Variants in IKZF1 observed in about 807,000 individuals in gnomAD.
IKZF1 encodes the protein DNA-binding protein Ikaros.
IKZF1 carries 10 observed loss-of-function variants against 51.7 expected under a neutral mutation model. That is an observed-to-expected ratio of 0.19 (90% CI 0.12 to 0.33). The LOEUF is 0.33. Among genes scored for constraint, IKZF1 ranks in the 10% least tolerant of loss-of-function variants. The pLI is 1.00. For synonymous variants in IKZF1, 280 were observed against 282.3 expected, an observed-to-expected ratio of 0.99 and a Z score of 0.08; for missense variants, 484 against 707.5, an observed-to-expected ratio of 0.68 and a Z score of 3.58.
intron 6 of IKZF1, among the ~76,000 whole-genome samples, chr7:50,389,582 G>A (rs1814446551): frequency 6.6e-6 from 1 of 152,190 alleles, no homozygotes; most frequent in South Asian, 2.1e-4. Context: ...TAATTACATT[G>A]AATTATTTCT....
At chr7:50,374,829 G>A (rs187354498) in intron 3 of IKZF1, among the ~76,000 whole-genome samples, 1 of 152,270 alleles carries the variant, frequency 6.6e-6, no homozygotes, top group African/African-American at 2.4e-5. Flanking sequence ...TCCAGACCAG[G>A]TATTTTTATT....
chr7:50,392,496 G>A (rs1381965778), intron 7 of IKZF1, among the ~76,000 whole-genome samples: 1 of 152,180 alleles, frequency 6.6e-6, no homozygotes, highest in Non-Finnish European at 1.5e-5. Flanking sequence ...TGCAGGGACA[G>A]TGAGCCAGGG....
At chr7:50,397,519 T>A (rs570900153) in intron 7 of IKZF1, among the ~76,000 whole-genome samples, 3 of 152,320 alleles carry the variant, frequency 2.0e-5, no homozygotes, top group East Asian at 3.9e-4. Flanking sequence ...ACAGGATGAT[T>A]AGGTGGGAAA....
chr7:50,308,068 C>CT (rs1789243509), intron 1 of IKZF1, among the ~76,000 whole-genome samples: 1 of 152,148 alleles, frequency 6.6e-6, no homozygotes, highest in African/African-American at 2.4e-5. Flanking sequence ...AGTGTCGTCA[C>CT]TTTAGTAGCT....
chr7:50,383,581 G>A (rs1017817115), intron 5 of IKZF1, among the ~76,000 whole-genome samples: 6 of 152,180 alleles, frequency 3.9e-5, no homozygotes, highest in East Asian at 1.9e-4. Context: ...CCTTCATACC[G>A]TCCAGTTGGG....
intron 3 of IKZF1, among the ~76,000 whole-genome samples, chr7:50,362,817 A>G (rs1031582156): frequency 6.6e-6 from 1 of 152,124 alleles, no homozygotes; most frequent in Non-Finnish European, 1.5e-5. Context: ...TCTTAGGGCA[A>G]TGAGCAGGTT....
chr7:50,379,956 T>G (rs1327096533), intron 4 of IKZF1, among the ~76,000 whole-genome samples: 1 of 152,244 alleles, frequency 6.6e-6, no homozygotes, highest in Non-Finnish European at 1.5e-5. Flanking sequence ...TTCAAATTCA[T>G]GACATCAATG....
intron 3 of IKZF1, among the ~76,000 whole-genome samples, chr7:50,330,587 C>T (rs565136012): frequency 6.6e-6 from 1 of 152,332 alleles, no homozygotes; most frequent in East Asian, 1.9e-4. Context: ...AGAGACCACC[C>T]TCCATGGTTC....
intron 3 of IKZF1, among the ~76,000 whole-genome samples, chr7:50,349,141 T>G (rs1008413884): frequency 3.3e-5 from 5 of 152,244 alleles, no homozygotes; most frequent in African/African-American, 1.2e-4. Flanking sequence ...TCATTACCAC[T>G]GTCTAGTGTA....
chr7:50,349,437 T>G (rs572481582), intron 3 of IKZF1, among the ~76,000 whole-genome samples: 1 of 152,286 alleles, frequency 6.6e-6, no homozygotes, highest in East Asian at 1.9e-4. Flanking sequence ...AGGACGTGTA[T>G]TATGTACCTA....
chr7:50,359,052 G>A (rs747913113), intron 3 of IKZF1, among the ~76,000 whole-genome samples: 3 of 152,104 alleles, frequency 2.0e-5, no homozygotes, highest in Non-Finnish European at 2.9e-5. Flanking sequence ...GTGTGCTCAG[G>A]AGTTTCAGAC....
chr7:50,363,906 C>G (rs1390821881), intron 3 of IKZF1, among the ~76,000 whole-genome samples: 1 of 152,156 alleles, frequency 6.6e-6, no homozygotes, highest in Non-Finnish European at 1.5e-5. Context: ...GGAAGCCCTG[C>G]CATGAAATGC....
chr7:50,388,217 T>C (rs1213806482), intron 6 of IKZF1, among the ~76,000 whole-genome samples: 5 of 152,204 alleles, frequency 3.3e-5, no homozygotes, highest in Admixed American at 2.6e-4. Flanking sequence ...TATAAAGAGA[T>C]CAAATAAAAC....
At chr7:50,399,106 T>A (rs1817442830) in intron 7 of IKZF1, among the ~76,000 whole-genome samples, 1 of 152,182 alleles carries the variant, frequency 6.6e-6, no homozygotes. Context: ...TCAACAGTAG[T>A]TCCTTGTACA....
chr7:50,324,824 C>T (rs115627079), intron 2 of IKZF1, among the ~76,000 whole-genome samples: 9 of 152,116 alleles, frequency 5.9e-5, no homozygotes, highest in South Asian at 2.1e-4. Context: ...GCGGAAAGTA[C>T]GACATTTCTT....
At chr7:50,336,175 AG>A (rs1198546985) in intron 3 of IKZF1, among the ~76,000 whole-genome samples, 1 of 152,084 alleles carries the variant, frequency 6.6e-6, no homozygotes, top group African/African-American at 2.4e-5. Context: ...GGGTCCCCGG[AG>A]AAGACTCAGT....
In IKZF1 at chr7:50,400,756, G is replaced by T. The variant is rs568893927; in HGVS notation, c.*129G>T. 3.6e-5 allele frequency: 42 copies of T among 1,176,230 alleles called. No individual in the cohort carries two copies. Among genetic ancestry groups the T allele is most frequent in the Non-Finnish European group, 4.9e-5 (42 of 853,752 alleles). The allele number at this position is 1,176,230 out of a possible 1,614,324, so 72.9% of individuals were successfully genotyped here. On this transcript the variant is annotated 3_prime_UTR_variant, in exon 8 of 8. Coordinates refer to ENST00000331340, the MANE Select transcript of IKZF1 (RefSeq NM_006060.6). This position sits in a 1 kb window ranked among gnomAD's most constrained non-coding sequence, Gnocchi z 5.4. Reference sequence around the variant, plus strand: ...CAATGTTGTGTTTGGATTTGTAACTGTTTTTTGTTTTTTGTTTGAGTTGGT... The same window carrying T: ...CAATGTTGTGTTTGGATTTGTAACTTTTTTTTGTTTTTTGTTTGAGTTGGT...
At position 50,400,364 on chromosome 7, in the gene IKZF1, C is replaced by A. The variant is rs773055555; in HGVS notation, c.1297C>A (p.Arg433Ser). ...CGGGCTGTCGCTCAAGGAGGAGCACCGCGCCTACGACCTGCTGCGCGCCGC... is the reference window on the plus strand; with the variant it reads ...CGGGCTGTCGCTCAAGGAGGAGCACAGCGCCTACGACCTGCTGCGCGCCGC... ...RNGLSLKEEH[R>S]AYDLLRAASE... Residue 433 changes from arginine (R) to serine (S), a missense_variant, in exon 8 of 8, where the codon CGC (arginine) becomes AGC (serine). Arg to Ser is a moderately radical substitution (Grantham distance 110). This residue lies in a region of IKZF1 where 72 missense variants were observed against 67.5 expected (regional missense o/e 1.07). Transcript: ENST00000331340. The surrounding 1 kb of genome is among the most constrained non-coding windows in gnomAD (Gnocchi z 5.4). 3 of 1,613,050 alleles carry A rather than the reference C, an allele frequency of 1.9e-6. No homozygotes were observed. The highest frequency in any genetic ancestry group is 8.5e-7 in the Non-Finnish European group (1 of 1,179,772).
At chr7:50,380,465 G>A (rs1195421361) in intron 4 of IKZF1, among the ~76,000 whole-genome samples, 2 of 152,226 alleles carry the variant, frequency 1.3e-5, no homozygotes, top group African/African-American at 4.8e-5. Context: ...CAGACCTGGG[G>A]AGAGACATGG....
Sources: allele counts gnomAD v4.1 joint callset (sites outside exome capture counted in the v4.1 genomes callset), GRCh38; gene constraint gnomAD v4.1.1; regional missense constraint gnomAD v4.1.1; non-coding constraint Gnocchi (gnomAD v3.1); transcripts MANE v1.5; gene names NCBI Gene and HGNC (gene_info 2026-07-23, HGNC 2026-07-21).